TPH2: variants seen among roughly 807,000 people sequenced by gnomAD.
TPH2 encodes the protein tryptophan hydroxylase 2.
Under a neutral mutation model 59.1 loss-of-function variants are expected in TPH2, and 27 were observed. The ratio of observed to expected loss-of-function variants is 0.46; its 90% CI spans 0.34 to 0.63. The LOEUF (loss-of-function observed/expected upper bound fraction) is 0.63, where lower values mean the gene tolerates loss of function less well. Ranked by LOEUF, TPH2 falls within the 30% of genes least tolerant of loss-of-function variation. The pLI is 0.01. For synonymous variants in TPH2, 220 were observed against 210.5 expected (o/e 1.05, Z -0.39); for missense variants, 523 against 588.3 (o/e 0.89, Z 1.15).
chr12:72,031,111 C>T, intron 9 of TPH2, 147 bp from the exon 10 acceptor site: 1 of 1,129,946 alleles, frequency 8.8e-7, no homozygotes, highest in Non-Finnish European at 1.3e-6. Context: ...ACCCTGCACA[C>T]AGGAGAGTTC....
At chr12:72,017,982 C>T (rs1873305143) in intron 8 of TPH2, among the ~76,000 whole-genome samples, 1 of 152,210 alleles carries the variant, frequency 6.6e-6, no homozygotes, top group Non-Finnish European at 1.5e-5. Flanking sequence ...TTATCCTGAG[C>T]AAGTTTGTGA....
intron 4 of TPH2, among the ~76,000 whole-genome samples, chr12:71,945,001 A>G (rs1171173201): frequency 6.6e-6 from 1 of 152,198 alleles, no homozygotes; most frequent in East Asian, 1.9e-4. Context: ...TCCTTGGAAA[A>G]ACGATGAACT....
intron 5 of TPH2, among the ~76,000 whole-genome samples, chr12:71,955,349 TA>T (rs1331358623): frequency 1.3e-5 from 2 of 152,216 alleles, no homozygotes; most frequent in East Asian, 3.9e-4. Flanking sequence ...GGCATTGCTA[TA>T]CAATGTACTT....
intron 8 of TPH2, among the ~76,000 whole-genome samples, chr12:71,997,317 G>A (rs11179033): frequency 0.25 from 37,883 of 152,042 alleles, 5,392 homozygotes; most frequent in East Asian, 0.49. Context: ...TAATCTTCCC[G>A]TCTCACTATG....
chr12:71,974,319 G>A (rs1350068326), intron 6 of TPH2, among the ~76,000 whole-genome samples: 2 of 152,132 alleles, frequency 1.3e-5, no homozygotes, highest in African/African-American at 4.8e-5. Context: ...AACAACACGA[G>A]TTATCTCACA....
intron 5 of TPH2, among the ~76,000 whole-genome samples, chr12:71,954,160 G>A (rs1008685407): frequency 6.6e-6 from 1 of 152,094 alleles, no homozygotes; most frequent in African/African-American, 2.4e-5. Flanking sequence ...CCATGAACCC[G>A]AAAGAGGAGA....
At chr12:71,980,610 G>A (rs1872247890) in intron 7 of TPH2, among the ~76,000 whole-genome samples, 1 of 152,112 alleles carries the variant, frequency 6.6e-6, no homozygotes, top group East Asian at 1.9e-4. Context: ...TTTCAGTGGA[G>A]TGAGTGCTCA....
intron 8 of TPH2, among the ~76,000 whole-genome samples, chr12:72,013,313 A>G (rs1466387748): frequency 1.3e-5 from 2 of 151,956 alleles, no homozygotes; most frequent in East Asian, 1.9e-4. Context: ...TTTTCTCCAC[A>G]TGTTTTTCCC....
chr12:71,998,186 C>G (rs1226279219), intron 8 of TPH2, among the ~76,000 whole-genome samples: 1 of 152,142 alleles, frequency 6.6e-6, no homozygotes, highest in African/African-American at 2.4e-5. Flanking sequence ...ACTCATTTCT[C>G]TTTTCTTGAT....
At chr12:72,022,723 A>G (rs1455001589) in intron 9 of TPH2, among the ~76,000 whole-genome samples, 3 of 152,244 alleles carry the variant, frequency 2.0e-5, no homozygotes, top group African/African-American at 4.8e-5. Flanking sequence ...AGCCACGTGT[A>G]CAAATCAACA....
chr12:71,974,289 C>T (rs554733867), intron 6 of TPH2, among the ~76,000 whole-genome samples: 1 of 152,244 alleles, frequency 6.6e-6, no homozygotes, highest in Non-Finnish European at 1.5e-5. Context: ...CAACACATTA[C>T]CACAAACTTT....
At chr12:72,025,864 C>T (rs1326709874) in intron 9 of TPH2, among the ~76,000 whole-genome samples, 2 of 152,164 alleles carry the variant, frequency 1.3e-5, no homozygotes, top group African/African-American at 2.4e-5. Context: ...GTTGATCTAA[C>T]TATATGTCTA....
chr12:71,972,790 G>A (rs1405963295), intron 6 of TPH2, 75 bp downstream of exon 6: 35 of 1,468,482 alleles, frequency 2.4e-5, no homozygotes, highest in Non-Finnish European at 3.3e-5. Flanking sequence ...TTGCAGCAAT[G>A]GCTCTTTTTC....
At chr12:71,940,601 A>G (rs1156648262) in intron 1 of TPH2, among the ~76,000 whole-genome samples, 2 of 152,212 alleles carry the variant, frequency 1.3e-5, no homozygotes, top group Non-Finnish European at 2.9e-5. Context: ...TATAAAGAAT[A>G]TAAAACAGAC....
At chr12:72,017,885 A>G (rs1449237873) in intron 8 of TPH2, among the ~76,000 whole-genome samples, 2 of 152,192 alleles carry the variant, frequency 1.3e-5, no homozygotes, top group East Asian at 1.9e-4. Flanking sequence ...GTAGCAATCA[A>G]TGTGTGGTTG....
intron 6 of TPH2, among the ~76,000 whole-genome samples, chr12:71,977,220 C>A (rs1368550439): frequency 6.6e-6 from 1 of 152,064 alleles, no homozygotes; most frequent in Non-Finnish European, 1.5e-5. Flanking sequence ...TCTATGCCAG[C>A]TCATTTTTTT....
chr12:71,955,294 G>A (rs1006947958), intron 5 of TPH2, among the ~76,000 whole-genome samples: 1 of 151,922 alleles, frequency 6.6e-6, no homozygotes, highest in Non-Finnish European at 1.5e-5. Flanking sequence ...CTATCTCTTC[G>A]GCCTCTCCTG....
At chr12:71,994,298 T>G in intron 7 of TPH2, 141 bp from the exon 8 acceptor site, 2 of 855,688 alleles carry the variant, frequency 2.3e-6, no homozygotes, top group South Asian at 3.0e-5. Flanking sequence ...ATTAAAATGA[T>G]TAAGAAGTCC....
intron 9 of TPH2, among the ~76,000 whole-genome samples, chr12:72,026,678 T>C (rs1051497932): frequency 2.0e-5 from 3 of 152,198 alleles, no homozygotes; most frequent in Admixed American, 6.5e-5. Context: ...ACAGAGTAAA[T>C]GCTGGACGTT....
Sources: gnomAD v4.1 joint callset for allele counts (sites outside exome capture counted in the v4.1 genomes callset) on GRCh38, gnomAD v4.1.1 for gene constraint, MANE v1.5 for transcripts, NCBI Gene and HGNC (gene_info 2026-07-23, HGNC 2026-07-21) for gene names.